Variants in SP4 observed in about 807,000 individuals in gnomAD.
SP4 encodes the protein transcription factor Sp4.
A neutral mutation model predicts 72.8 loss-of-function variants in SP4; 19 were observed. The observed-to-expected ratio is 0.26, with a 90% CI of 0.18 to 0.38. The LOEUF (loss-of-function observed/expected upper bound fraction) is 0.38, where lower values mean the gene tolerates loss of function less well. Among genes scored for constraint, SP4 ranks in the 10% least tolerant of loss-of-function variants. The pLI is 1.00. For missense variants in SP4, 1,008 were observed against 926.3 expected (o/e 1.09, Z -1.14); for synonymous variants, 395 against 333.1 (o/e 1.19, Z -2.02).
Position 21,429,605 on chromosome 7 carries a change from C to A in SP4, c.440C>A (p.Thr147Asn). The A allele has an allele frequency of 6.2e-7, 1 of 1,614,172 alleles. No homozygotes were observed. The highest frequency in any genetic ancestry group is 8.5e-7 in the Non-Finnish European group (1 of 1,179,998). ...AAAACTAAATCAGGTAATTCTTCCA[C>A]CCCTGGTCAATTTCAAGTCATACAA... ...PTKTKSGNSS[T>N]PGQFQVIQVQ... The change falls in exon 3 of 6, where the codon ACC (threonine) becomes AAC (asparagine). Residue 147 changes from threonine to asparagine, a missense_variant. By Grantham distance (65) the Thr-to-Asn change is moderately conservative. This residue lies in a region of SP4 where 893 missense variants were observed against 743.3 expected (regional missense o/e 1.20). Coordinates refer to ENST00000222584, the MANE Select transcript of SP4 (RefSeq NM_003112.5).
intron 3 of SP4, among the ~76,000 whole-genome samples, chr7:21,460,338 T>G (rs895002639): frequency 2.6e-5 from 4 of 151,828 alleles, no homozygotes; most frequent in African/African-American, 9.7e-5. Context: ...GCTGCAGACC[T>G]TCGCGATGAG....
rs767964595 is a variant in SP4, at chr7:21,430,419, G to T, written c.1254G>T (p.Gln418His). 10 of 1,614,060 alleles carry T rather than the reference G, an allele frequency of 6.2e-6. No individual in the cohort carries two copies. The Admixed American group carries it at 1.5e-4, about 24-fold the overall frequency. Residue 418 changes from glutamine (Q) to histidine (H), a missense_variant, in exon 3 of 6, where the codon CAG (glutamine) becomes CAT (histidine). By Grantham distance (24) the Gln-to-His change is conservative. Around this residue, in one of 3 missense-constraint regions of SP4, gnomAD observed 893 missense variants for 743.3 expected, o/e 1.20. Coordinates refer to ENST00000222584, the MANE Select transcript of SP4 (RefSeq NM_003112.5). ...AACAGCCTCAGCAACAGATCATTCA[G>T]GCTATTCCACCACAGTCGTTTCAAC... Reference protein sequence around the residue: ...QIQQPQQQIIQAIPPQSFQLQ... With the variant: ...QIQQPQQQIIHAIPPQSFQLQ...
intron 3 of SP4, among the ~76,000 whole-genome samples, chr7:21,435,117 T>A (rs948874387): frequency 6.6e-6 from 1 of 152,228 alleles, no homozygotes; most frequent in Non-Finnish European, 1.5e-5. Context: ...ATGTGACTTA[T>A]TTTTGGCAGT....
chr7:21,439,577 C>T (rs1783169091), intron 3 of SP4, among the ~76,000 whole-genome samples: 1 of 150,398 alleles, frequency 6.6e-6, no homozygotes, highest in Non-Finnish European at 1.5e-5. Context: ...CTCAGAATAT[C>T]TGGTACAAAG....
chr7:21,442,400 TAGC>T lies in SP4; in HGVS notation c.1678+11560_1678+11562del, dbSNP rs1783289809. On this transcript the variant is annotated intron_variant, in intron 3 of 5. Coordinates refer to ENST00000222584, the MANE Select transcript of SP4 (RefSeq NM_003112.5). Reference sequence around the variant, plus strand: ...AATCAAAGGCATGTCATAGTTTAATTAGCAGAACTTTTTTCTTTCTTATGATCA... The same window carrying T: ...AATCAAAGGCATGTCATAGTTTAATTAGAACTTTTTTCTTTCTTATGATCA... 2.6e-5 allele frequency among the ~76,000 whole-genome samples: 4 copies of T among 152,286 alleles called. No homozygotes were observed. The South Asian group carries it at 8.3e-4, about 32-fold the overall frequency.
rs1293604441 is a variant in SP4, at chr7:21,433,201, T to C, written c.1678+2358T>C. Among the ~76,000 whole-genome samples, 10 of 152,262 alleles carry C rather than the reference T, an allele frequency of 6.6e-5. No individual in the cohort carries two copies. In the East Asian group the frequency reaches 1.9e-3, roughly 29 times the overall value. On this transcript the variant is annotated intron_variant, in intron 3 of 5. Transcript: ENST00000222584. ...GTATGCTGAACACTGCCAATAGGTG[T>C]GGTTATTCCTTCATTTTCAGGGATA...
chr7:21,442,679 G>A (rs926047273), intron 3 of SP4, among the ~76,000 whole-genome samples: 14 of 152,120 alleles, frequency 9.2e-5, no homozygotes, highest in Admixed American at 2.6e-4. Flanking sequence ...AGGAAGAAAA[G>A]GGCCACTTCA....
In SP4 at chr7:21,510,909, A is replaced by G. The variant is rs1782124228; in HGVS notation, c.2108-113A>G. 1.5e-5 allele frequency: 15 copies of G among 982,382 alleles called. No individual in the cohort carries two copies. The South Asian group carries it at 2.7e-4, about 18-fold the overall frequency. 60.9% of individuals were successfully genotyped at this position (982,382 alleles called of 1,614,324 possible). ...TTTAAATAAAACAAAGCATTTTGCAACTAGTGAAACTGTACAAAAAGTCAT... is the reference window on the plus strand; with the variant it reads ...TTTAAATAAAACAAAGCATTTTGCAGCTAGTGAAACTGTACAAAAAGTCAT... On this transcript the variant is annotated intron_variant, in intron 5 of 5. Transcript: ENST00000222584.
At chr7:21,485,375 G>A (rs531655106) in intron 5 of SP4, among the ~76,000 whole-genome samples, 510 of 151,992 alleles carry the variant, frequency 3.4e-3, no homozygotes, top group African/African-American at 0.012. Flanking sequence ...TATGCATATG[G>A]TATTTAAAAA....
Position 21,482,136 on chromosome 7 carries a change from T to C in SP4, c.2107+13T>C. On this transcript the variant is annotated intron_variant, in intron 5 of 5. Coordinates refer to ENST00000222584, the MANE Select transcript of SP4 (RefSeq NM_003112.5). ...AGAACCCATACAGGTTAGTTGATTT[T>C]AGGACTTGTACTTTTTACTTATTTC... 6.3e-7 allele frequency: 1 copy of C among 1,597,444 alleles called. No homozygotes were observed. The highest frequency in any genetic ancestry group is 8.6e-7 in the Non-Finnish European group (1 of 1,167,046).
intron 3 of SP4, among the ~76,000 whole-genome samples, chr7:21,446,042 A>G (rs1031043535): frequency 8.2e-6 from 1 of 121,658 alleles, no homozygotes; most frequent in Admixed American, 7.8e-5. Context: ...ACGCATATGT[A>G]GGTAGATATA....
At chr7:21,438,094 C>G (rs1783110410) in intron 3 of SP4, among the ~76,000 whole-genome samples, 1 of 150,458 alleles carries the variant, frequency 6.6e-6, no homozygotes, top group Admixed American at 6.6e-5. Context: ...ACTAGAGTTA[C>G]ACAACAGTGG....
chr7:21,450,453 C>T (rs1783554372), intron 3 of SP4, among the ~76,000 whole-genome samples: 2 of 152,002 alleles, frequency 1.3e-5, no homozygotes, highest in South Asian at 2.1e-4. Context: ...TATTCTCTTT[C>T]ATTGGGCCTT....
At chr7:21,467,979 A>G (rs893848113) in intron 3 of SP4, among the ~76,000 whole-genome samples, 1 of 152,134 alleles carries the variant, frequency 6.6e-6, no homozygotes, top group Admixed American at 6.5e-5. Context: ...TGGTGAGTTT[A>G]TTTATAGGTA....
intron 3 of SP4, among the ~76,000 whole-genome samples, chr7:21,440,867 AACAACAACAACAACAACAAC>A (rs869057045): frequency 3.6e-5 from 2 of 55,418 alleles, no homozygotes; most frequent in African/African-American, 2.9e-4. Flanking sequence ...CAACAACAAC[AACAACAACAACAACAACAAC>A]AGCAGCAAAC....
intron 5 of SP4, among the ~76,000 whole-genome samples, chr7:21,503,273 T>C (rs2390538): frequency 0.3 from 44,968 of 152,052 alleles, 7,365 homozygotes; most frequent in Non-Finnish European, 0.38. Context: ...TTGGTTTCCA[T>C]AGCCGGAAGA....
intron 5 of SP4, among the ~76,000 whole-genome samples, chr7:21,508,807 C>CTTT (rs11418275): frequency 1.2e-3 from 135 of 111,496 alleles, no homozygotes; most frequent in East Asian, 4.3e-3. Context: ...TGTCTACACA[C>CTTT]TTTTTTTTTT....
chr7:21,428,445 C>T (rs1015449930), intron 1 of SP4, among the ~76,000 whole-genome samples, 187 bp downstream of exon 1: 8 of 152,056 alleles, frequency 5.3e-5, no homozygotes, highest in South Asian at 2.1e-4. Flanking sequence ...GAGAGAACAA[C>T]CTCCTTCTGG....
intron 3 of SP4, among the ~76,000 whole-genome samples, chr7:21,438,196 C>T (rs1482594685): frequency 6.6e-6 from 1 of 152,016 alleles, no homozygotes; most frequent in African/African-American, 2.4e-5. Context: ...TTTCTTGTAC[C>T]ATATAGAAAA....
Sources: allele counts gnomAD v4.1 joint callset (sites outside exome capture counted in the v4.1 genomes callset), GRCh38; gene constraint gnomAD v4.1.1; regional missense constraint gnomAD v4.1.1; transcripts MANE v1.5; gene names NCBI Gene and HGNC (gene_info 2026-07-23, HGNC 2026-07-21).